Variants in ATP9A observed in about 807,000 individuals in gnomAD.
ATP9A encodes ATPase phospholipid transporting 9A, also known as probable phospholipid-transporting ATPase IIA.
In ATP9A, 52 loss-of-function variants were observed where a neutral mutation model predicts 144.1. The observed-to-expected ratio is 0.36, with a 90% CI of 0.29 to 0.45. The LOEUF (loss-of-function observed/expected upper bound fraction) is 0.45. Ranked by LOEUF, ATP9A falls within the 20% of genes least tolerant of loss-of-function variation. The pLI is 1.00. For missense variants in ATP9A, 947 were observed against 1,392.7 expected (o/e 0.68, Z 5.09); for synonymous variants, 582 against 557.4 (o/e 1.04, Z -0.62).
Position 51,609,539 on chromosome 20 carries a change from G to T in ATP9A, c.2636+562C>A, listed in dbSNP as rs557530094. Among the ~76,000 whole-genome samples, 3 of 152,256 alleles carry T rather than the reference G, an allele frequency of 2.0e-5. No individual in the cohort carries two copies. In the South Asian group the frequency reaches 6.2e-4, roughly 32 times the overall value. On this transcript the variant is annotated intron_variant, in intron 24 of 27. Coordinates refer to ENST00000338821, the MANE Select transcript of ATP9A (RefSeq NM_006045.3). ...GCACATTCTCTGAAAAGGTCAGAAG[G>T]ATCATCCTGAAGTTCCAGGTCAGTA...
intron 8 of ATP9A, among the ~76,000 whole-genome samples, chr20:51,690,224 T>G (rs778361023): frequency 9.1e-5 from 13 of 142,672 alleles, no homozygotes; most frequent in Non-Finnish European, 1.7e-4. Flanking sequence ...ATCAAGACCA[T>G]CCTGGCTAAC....
intron 7 of ATP9A, among the ~76,000 whole-genome samples, chr20:51,692,664 T>A (rs2077553437): frequency 6.6e-6 from 1 of 152,026 alleles, no homozygotes; most frequent in South Asian, 2.1e-4. Context: ...TAGCCGGGCG[T>A]GGTGGCGGGT....
intron 3 of ATP9A, among the ~76,000 whole-genome samples, chr20:51,722,353 A>G (rs775431370): frequency 1.3e-5 from 2 of 152,260 alleles, no homozygotes; most frequent in Non-Finnish European, 2.9e-5. Context: ...GGACTTAACT[A>G]AACTGAAGAG....
chr20:51,711,141 T>G (rs1168721400), intron 4 of ATP9A, among the ~76,000 whole-genome samples: 1 of 152,210 alleles, frequency 6.6e-6, no homozygotes, highest in Non-Finnish European at 1.5e-5. Context: ...CTTTTTCTTT[T>G]GGTAGCAACA....
intron 14 of ATP9A, among the ~76,000 whole-genome samples, chr20:51,652,112 T>A (rs2077369006): frequency 6.6e-6 from 1 of 152,050 alleles, no homozygotes; most frequent in Admixed American, 6.6e-5. Flanking sequence ...CCACCCACTC[T>A]CGACACTGTG....
At position 51,596,899 on chromosome 20, in the gene ATP9A, T is replaced by C. The variant is rs1463661814; in HGVS notation, c.*4312A>G. The C allele has an allele frequency of 3.9e-5, 6 of 152,140 alleles. No individual in the cohort carries two copies. The highest frequency in any genetic ancestry group is 1.2e-4 in the African/African-American group (5 of 41,422). The allele number at this position is 152,140 out of a possible 1,614,324, so 9.4% of individuals were successfully genotyped here. ...ATCACAGCATCGAGAATTTAAATCA[T>C]CTGGAAGTTCCTGCTAAATTAAAGC... On this transcript the variant is annotated 3_prime_UTR_variant, in exon 28 of 28. Coordinates refer to ENST00000338821, the MANE Select transcript of ATP9A (RefSeq NM_006045.3).
intron 22 of ATP9A, among the ~76,000 whole-genome samples, chr20:51,616,408 T>C (rs1489126470): frequency 6.6e-6 from 1 of 152,178 alleles, no homozygotes; most frequent in African/African-American, 2.4e-5. Context: ...AACCTCCACC[T>C]CCTGGGTTCA....
intron 2 of ATP9A, among the ~76,000 whole-genome samples, chr20:51,727,230 G>A (rs998557860): frequency 2.7e-5 from 4 of 150,932 alleles, no homozygotes; most frequent in Non-Finnish European, 5.9e-5. Context: ...AGCTGAGATC[G>A]CGCCACTACA....
intron 13 of ATP9A, among the ~76,000 whole-genome samples, chr20:51,661,070 C>T (rs1278079776): frequency 6.6e-6 from 1 of 152,120 alleles, no homozygotes; most frequent in Admixed American, 6.5e-5. Context: ...TGACTTGGGC[C>T]CCTGGGCGGG....
At chr20:51,606,062 G>C (rs915231118) in intron 26 of ATP9A, among the ~76,000 whole-genome samples, 10 of 152,178 alleles carry the variant, frequency 6.6e-5, no homozygotes, top group Non-Finnish European at 1.2e-4. Context: ...AAGGTCAGGA[G>C]TTCGAGACCA....
chr20:51,695,505 T>G (rs1299320349), intron 6 of ATP9A, among the ~76,000 whole-genome samples: 1 of 148,276 alleles, frequency 6.7e-6, no homozygotes, highest in Non-Finnish European at 1.5e-5. Context: ...TTTAGTAGAC[T>G]CATAGGGTGG....
At chr20:51,767,070 ATTCTTT>A (rs1568853139) in intron 1 of ATP9A, among the ~76,000 whole-genome samples, 5 of 71,180 alleles carry the variant, frequency 7.0e-5, no homozygotes, top group Non-Finnish European at 1.1e-4. Context: ...CGCCAGCACC[ATTCTTT>A]TTTTTTTTTT....
At chr20:51,618,900 C>A in intron 20 of ATP9A, 54 bp downstream of exon 20, 1 of 1,601,610 alleles carries the variant, frequency 6.2e-7, no homozygotes, top group South Asian at 1.1e-5. Context: ...CTGCCGAAGC[C>A]GGGTAAGACC....
intron 1 of ATP9A, among the ~76,000 whole-genome samples, chr20:51,766,272 G>A (rs972858345): frequency 2.6e-5 from 4 of 152,168 alleles, no homozygotes; most frequent in Non-Finnish European, 5.9e-5. Flanking sequence ...GAATGAATCA[G>A]AAAAGGCTAG....
chr20:51,618,689 G>A lies in ATP9A; in HGVS notation c.2323C>T (p.Arg775Cys), dbSNP rs1328628299. 10 of 1,613,006 alleles carry A rather than the reference G, an allele frequency of 6.2e-6. No individual in the cohort carries two copies. The highest frequency in any genetic ancestry group is 1.7e-4 in the Middle Eastern group (1 of 5,980). The part of the protein sequence containing the change: ...KAQIVRLLQE[R>C]TGKLTCAVGD... Reference sequence around the variant, plus strand: ...ACTGCACAGGTGAGCTTGCCCGTGCGCTCCTGAAGCAGGCGCACGATCTGG... The same window carrying A: ...ACTGCACAGGTGAGCTTGCCCGTGCACTCCTGAAGCAGGCGCACGATCTGG... The change falls in exon 21 of 28, where the codon CGC becomes TGC. Residue 775 changes from arginine to cysteine, a missense_variant. Physicochemically the swap from Arg to Cys is radical, Grantham distance 180. This residue lies in a region of ATP9A where 770 missense variants were observed against 1,047.9 expected (regional missense o/e 0.73). Transcript: ENST00000338821.
At chr20:51,644,539 G>C (rs2077334289) in intron 14 of ATP9A, among the ~76,000 whole-genome samples, 1 of 151,940 alleles carries the variant, frequency 6.6e-6, no homozygotes, top group South Asian at 2.1e-4. Flanking sequence ...CAAAGTGCTG[G>C]AATTACAGGC....
intron 15 of ATP9A, among the ~76,000 whole-genome samples, chr20:51,635,857 GAGGA>G (rs2077289918): frequency 5.6e-5 from 2 of 35,562 alleles, no homozygotes; most frequent in Non-Finnish European, 1.6e-4. Context: ...AGGAAGGAAG[GAGGA>G]AGGGAGGGAG....
chr20:51,676,103 G>A, intron 10 of ATP9A, 29 bp downstream of exon 10: 1 of 1,586,296 alleles, frequency 6.3e-7, no homozygotes, highest in Non-Finnish European at 8.6e-7. Context: ...CCCACAGCCG[G>A]TCAATGTACC....
chr20:51,623,547 G>A (rs1275257344), intron 18 of ATP9A, among the ~76,000 whole-genome samples: 2 of 152,126 alleles, frequency 1.3e-5, no homozygotes, highest in East Asian at 1.9e-4. Flanking sequence ...TTGGGAGGCC[G>A]AGGCAGGTGG....
Sources: allele counts gnomAD v4.1 joint callset (sites outside exome capture counted in the v4.1 genomes callset), GRCh38; gene constraint gnomAD v4.1.1; regional missense constraint gnomAD v4.1.1; transcripts MANE v1.5; gene names NCBI Gene and HGNC (gene_info 2026-07-23, HGNC 2026-07-21).